The following CNTN3 variants were observed in gnomAD, a reference collection of about 807,000 sequenced individuals.
CNTN3 encodes contactin 3, also known as contactin-3.
In CNTN3, 60 loss-of-function variants were observed where a neutral mutation model predicts 119.1. The observed-to-expected ratio is 0.50, with a 90% CI of 0.41 to 0.62. CNTN3 has a LOEUF of 0.62. Among genes scored for constraint, CNTN3 ranks in the 20% least tolerant of loss-of-function variants. The probability of loss-of-function intolerance (pLI) is 0.00; values close to 1 mark genes in which losing one functional copy is unlikely to be tolerated. For synonymous variants in CNTN3, 450 were observed against 438.7 expected (o/e 1.03, Z -0.32); for missense variants, 1,101 against 1,242.4 (o/e 0.89, Z 1.71).
chr3:74,526,670 G>T (rs1353159654), intron 1 of CNTN3, among the ~76,000 whole-genome samples: 1 of 151,824 alleles, frequency 6.6e-6, no homozygotes, highest in Admixed American at 6.6e-5. Flanking sequence ...AAAGAAGGAA[G>T]GATATCATGT....
At chr3:74,458,390 AT>A (rs529230151) in intron 4 of CNTN3, among the ~76,000 whole-genome samples, 90 of 152,162 alleles carry the variant, frequency 5.9e-4, no homozygotes, top group Middle Eastern at 6.8e-3. Flanking sequence ...TGGCTTGTAT[AT>A]TTTAAGTTGC....
At chr3:74,297,124 G>C (rs903714979) in intron 18 of CNTN3, among the ~76,000 whole-genome samples, 2 of 152,084 alleles carry the variant, frequency 1.3e-5, no homozygotes, top group African/African-American at 4.8e-5. Context: ...TGTTGAATGA[G>C]ATACCGCTGC....
At chr3:74,344,457 A>G (rs1484859594) in intron 11 of CNTN3, among the ~76,000 whole-genome samples, 19 of 100,606 alleles carry the variant, frequency 1.9e-4, no homozygotes, top group African/African-American at 7.4e-4. Flanking sequence ...ACGGAGTCTC[A>G]CTCTGTCCCC....
intron 5 of CNTN3, among the ~76,000 whole-genome samples, chr3:74,414,840 G>A (rs1701493591): frequency 6.8e-6 from 1 of 147,702 alleles, no homozygotes; most frequent in Admixed American, 6.7e-5. Flanking sequence ...CTAGTGCACA[G>A]ATCAATTCTT....
intron 11 of CNTN3, among the ~76,000 whole-genome samples, chr3:74,356,663 C>G (rs1703941765): frequency 6.6e-6 from 1 of 152,032 alleles, no homozygotes; most frequent in Non-Finnish European, 1.5e-5. Context: ...TGTAAGAGCC[C>G]AGGAATCACT....
rs769483720 is a variant in CNTN3 at position 74,336,649 on chromosome 3, C to G, written c.1374G>C (p.Leu458Phe). ...VSVQEHERIS[L>F]LNDGGLKIAN... ...CTATTTTGAGTCCTCCATCGTTTAA[C>G]AAAGAAATTCTAAAGCAAAGACAAA... The change falls in exon 12 of 23, where the codon TTG (leucine) becomes TTC (phenylalanine). Residue 458 changes from leucine to phenylalanine, a missense_variant. Transcript: ENST00000263665. 5.0e-6 allele frequency: 8 copies of G among 1,604,362 alleles called. No individual in the cohort carries two copies. The Admixed American group carries it at 1.3e-4, about 27-fold the overall frequency.
At chr3:74,397,724 C>T (rs1030997265) in intron 5 of CNTN3, among the ~76,000 whole-genome samples, 2 of 152,108 alleles carry the variant, frequency 1.3e-5, no homozygotes, top group Non-Finnish European at 2.9e-5. Flanking sequence ...TTGATCTGTG[C>T]AAAGTAAATT....
intron 5 of CNTN3, among the ~76,000 whole-genome samples, chr3:74,414,180 C>G (rs1211115893): frequency 6.6e-6 from 1 of 152,130 alleles, no homozygotes; most frequent in African/African-American, 2.4e-5. Context: ...CTCTCCAAGA[C>G]AGCATTTTTG....
intron 5 of CNTN3, among the ~76,000 whole-genome samples, chr3:74,376,102 G>T (rs1025377414): frequency 6.6e-6 from 1 of 152,150 alleles, no homozygotes; most frequent in Admixed American, 6.6e-5. Flanking sequence ...AACTGCAAAA[G>T]GGAAGGAAAT....
chr3:74,320,761 C>T (rs971035632), intron 13 of CNTN3, among the ~76,000 whole-genome samples: 5 of 151,980 alleles, frequency 3.3e-5, no homozygotes, highest in Non-Finnish European at 7.4e-5. Flanking sequence ...TAGAACTAAC[C>T]ACTCCCTCCA....
chr3:74,486,190 C>A (rs1308846713), intron 4 of CNTN3, among the ~76,000 whole-genome samples: 3 of 145,830 alleles, frequency 2.1e-5, no homozygotes, highest in Non-Finnish European at 4.5e-5. Flanking sequence ...TTGTGAAATA[C>A]TAAAATAGAG....
intron 20 of CNTN3, among the ~76,000 whole-genome samples, chr3:74,274,126 C>T (rs1701834599): frequency 1.3e-5 from 2 of 151,844 alleles, no homozygotes; most frequent in Non-Finnish European, 2.9e-5. Flanking sequence ...GGGAACCTCA[C>T]GCCCATCCCC....
intron 5 of CNTN3, among the ~76,000 whole-genome samples, chr3:74,419,011 G>A (rs894459284): frequency 9.9e-5 from 15 of 151,228 alleles, no homozygotes; most frequent in African/African-American, 3.4e-4. Context: ...TGCCCAGGCT[G>A]GTCTTGAACT....
intron 11 of CNTN3, among the ~76,000 whole-genome samples, chr3:74,355,740 C>A (rs1365776573): frequency 6.6e-6 from 1 of 152,028 alleles, no homozygotes; most frequent in African/African-American, 2.4e-5. Flanking sequence ...CAAGCATGAG[C>A]CACCGCACCC....
chr3:74,343,839 T>G (rs1703609311), intron 11 of CNTN3, among the ~76,000 whole-genome samples: 1 of 152,228 alleles, frequency 6.6e-6, no homozygotes, highest in African/African-American at 2.4e-5. Context: ...TTTTATCACA[T>G]TCTCAGGTGA....
chr3:74,283,557 A>T (rs1255349577), intron 20 of CNTN3, among the ~76,000 whole-genome samples: 1 of 152,084 alleles, frequency 6.6e-6, no homozygotes, highest in Non-Finnish European at 1.5e-5. Context: ...TTACTAATCC[A>T]CTAAGTTCTT....
chr3:74,510,671 T>A (rs1703349104), intron 2 of CNTN3, among the ~76,000 whole-genome samples: 1 of 152,048 alleles, frequency 6.6e-6, no homozygotes, highest in South Asian at 2.1e-4. Context: ...GTGGTTAAAG[T>A]TACCTTCAGG....
chr3:74,393,637 C>T (rs1314473409), intron 5 of CNTN3, among the ~76,000 whole-genome samples: 1 of 152,136 alleles, frequency 6.6e-6, no homozygotes, highest in Non-Finnish European at 1.5e-5. Flanking sequence ...AGGACTGAGG[C>T]TGCCAGGTAG....
intron 13 of CNTN3, among the ~76,000 whole-genome samples, chr3:74,324,304 C>A (rs571880450): frequency 6.6e-6 from 1 of 151,876 alleles, no homozygotes; most frequent in Non-Finnish European, 1.5e-5. Flanking sequence ...CTCTGCCTCC[C>A]GGGTTCAAGC....
Sources: allele counts gnomAD v4.1 joint callset (sites outside exome capture counted in the v4.1 genomes callset), GRCh38; gene constraint gnomAD v4.1.1; transcripts MANE v1.5; gene names NCBI Gene and HGNC (gene_info 2026-07-23, HGNC 2026-07-21).